Variants in GALNTL6 observed in about 807,000 individuals in gnomAD.
The protein encoded by GALNTL6 is polypeptide N-acetylgalactosaminyltransferase-like 6.
In GALNTL6, 46 loss-of-function variants were observed where a neutral mutation model predicts 73.7. The ratio of observed to expected loss-of-function variants is 0.62; its 90% CI spans 0.49 to 0.80. The LOEUF (loss-of-function observed/expected upper bound fraction) is 0.80. GALNTL6 is among the 30% of genes least tolerant of loss of function. The pLI is 0.00. For synonymous variants in GALNTL6, 259 were observed against 263.7 expected, an observed-to-expected ratio of 0.98 and a Z score of 0.17; for missense variants, 604 against 755.0, an observed-to-expected ratio of 0.80 and a Z score of 2.34.
chr4:172,456,417 C>T (rs1487470906), intron 5 of GALNTL6, among the ~76,000 whole-genome samples: 2 of 151,764 alleles, frequency 1.3e-5, no homozygotes, highest in African/African-American at 4.8e-5. Flanking sequence ...GCTAAAGGAG[C>T]ATGTTCTAAC....
chr4:172,758,419 C>A (rs555002073), intron 5 of GALNTL6, among the ~76,000 whole-genome samples: 1 of 152,212 alleles, frequency 6.6e-6, no homozygotes, highest in South Asian at 2.1e-4. Context: ...ACCTGTAATC[C>A]CAGCTACTTG....
At chr4:172,762,479 C>T (rs564256566) in intron 5 of GALNTL6, among the ~76,000 whole-genome samples, 1 of 150,222 alleles carries the variant, frequency 6.7e-6, no homozygotes, top group African/African-American at 2.5e-5. Context: ...TAACATGAAA[C>T]TACATGAGAT....
At chr4:172,328,891 C>T (rs988892677) in intron 4 of GALNTL6, among the ~76,000 whole-genome samples, 1 of 152,098 alleles carries the variant, frequency 6.6e-6, no homozygotes, top group African/African-American at 2.4e-5. Context: ...GGTTAAGAAC[C>T]CTTGGAAAAC....
At chr4:172,156,540 A>AGTATATATATAT (rs58197299) in intron 2 of GALNTL6, among the ~76,000 whole-genome samples, 20 of 125,128 alleles carry the variant, frequency 1.6e-4, no homozygotes, top group African/African-American at 6.5e-4. Flanking sequence ...ATATATATAT[A>AGTATATATATAT]ATATATATAT....
At chr4:172,461,426 A>G (rs1165377900) in intron 5 of GALNTL6, among the ~76,000 whole-genome samples, 1 of 152,174 alleles carries the variant, frequency 6.6e-6, no homozygotes, top group African/African-American at 2.4e-5. Flanking sequence ...AAAATGCAAA[A>G]TGTGCAGCTC....
At chr4:172,449,560 A>G (rs1732139311) in intron 5 of GALNTL6, among the ~76,000 whole-genome samples, 2 of 152,196 alleles carry the variant, frequency 1.3e-5, no homozygotes, top group Non-Finnish European at 2.9e-5. Flanking sequence ...GAGTTTTCCT[A>G]GATGCCAGAA....
chr4:172,031,907 T>C (rs1315972384), intron 2 of GALNTL6, among the ~76,000 whole-genome samples: 1 of 152,076 alleles, frequency 6.6e-6, no homozygotes, highest in Admixed American at 6.6e-5. Context: ...AATTAGAGCT[T>C]CTTAATGCCA....
intron 5 of GALNTL6, among the ~76,000 whole-genome samples, chr4:172,567,026 T>TA (rs199588709): frequency 2.1e-3 from 296 of 141,850 alleles, no homozygotes; most frequent in South Asian, 2.9e-3. Context: ...GAAGCTCCTT[T>TA]AAAAAAAAAA....
intron 5 of GALNTL6, among the ~76,000 whole-genome samples, chr4:172,578,280 G>A (rs1737038213): frequency 1.3e-5 from 2 of 152,044 alleles, no homozygotes; most frequent in South Asian, 4.2e-4. Flanking sequence ...CAATAATTGA[G>A]TCTTTTCACC....
At chr4:171,927,819 G>A (rs1738034321) in intron 2 of GALNTL6, among the ~76,000 whole-genome samples, 4 of 152,030 alleles carry the variant, frequency 2.6e-5, no homozygotes, top group Admixed American at 1.3e-4. Flanking sequence ...TCTTTGCATG[G>A]TTGTCTCTCT....
intron 5 of GALNTL6, among the ~76,000 whole-genome samples, chr4:172,750,707 AATTTTGCTTCAAGGTCAAACAT>A (rs1350922573): frequency 6.6e-6 from 1 of 152,224 alleles, no homozygotes. Context: ...ACATTGTTAT[AATTTTGCTTCAAGGTCAAACAT>A]ATTTTGGAAA....
intron 5 of GALNTL6, among the ~76,000 whole-genome samples, chr4:172,485,057 G>A (rs1733620765): frequency 6.6e-6 from 1 of 152,110 alleles, no homozygotes. Context: ...AATAAAATAA[G>A]TAGATTGTAA....
At chr4:172,414,766 T>C (rs1744565214) in intron 5 of GALNTL6, among the ~76,000 whole-genome samples, 1 of 152,206 alleles carries the variant, frequency 6.6e-6, no homozygotes, top group Admixed American at 6.6e-5. Context: ...CAGATTTAAG[T>C]AGGAAGACTT....
intron 2 of GALNTL6, among the ~76,000 whole-genome samples, chr4:171,981,115 C>G (rs1739885235): frequency 6.6e-6 from 1 of 152,080 alleles, no homozygotes; most frequent in South Asian, 2.1e-4. Context: ...AGGACATGCA[C>G]CCAAGGTAAT....
intron 5 of GALNTL6, among the ~76,000 whole-genome samples, chr4:172,516,080 T>C (rs1291949147): frequency 2.0e-5 from 3 of 152,230 alleles, no homozygotes; most frequent in East Asian, 3.8e-4. Context: ...AAGTACCCAG[T>C]ACCTTTATAC....
At chr4:172,817,279 T>C (rs1170651045) in intron 7 of GALNTL6, among the ~76,000 whole-genome samples, 1 of 150,782 alleles carries the variant, frequency 6.6e-6, no homozygotes, top group East Asian at 2.0e-4. Context: ...AATATATACA[T>C]ATATAGTGGG....
At position 173,040,390 on chromosome 4, in the gene GALNTL6, T is replaced by C; in HGVS notation, c.*290T>C. ...AAACAACTGCTGAGCTAATAAATCCTAGCATTTCTCAGGTCAAATCCTGCA... is the reference window on the plus strand; with the variant it reads ...AAACAACTGCTGAGCTAATAAATCCCAGCATTTCTCAGGTCAAATCCTGCA... On this transcript the variant is annotated 3_prime_UTR_variant, in exon 13 of 13. Coordinates refer to ENST00000506823, the MANE Select transcript of GALNTL6 (RefSeq NM_001034845.3). 1 of 345,966 alleles carries C rather than the reference T, an allele frequency of 2.9e-6. No homozygotes were observed. The highest frequency in any genetic ancestry group is 5.3e-6 in the Non-Finnish European group (1 of 189,694). The allele number at this position is 345,966 out of a possible 1,614,324, so 21.4% of individuals were successfully genotyped here.
At chr4:172,322,607 C>A (rs1049121250) in intron 4 of GALNTL6, among the ~76,000 whole-genome samples, 1 of 152,006 alleles carries the variant, frequency 6.6e-6, no homozygotes, top group Non-Finnish European at 1.5e-5. Flanking sequence ...GGGAAGCAGG[C>A]AATTTCTTCA....
intron 2 of GALNTL6, among the ~76,000 whole-genome samples, chr4:172,102,263 C>A (rs956562046): frequency 2.6e-5 from 4 of 152,158 alleles, no homozygotes; most frequent in Non-Finnish European, 5.9e-5. Context: ...CTTCTCAATG[C>A]TACAGACGCT....
Sources: gnomAD v4.1 joint callset for allele counts (sites outside exome capture counted in the v4.1 genomes callset) on GRCh38, gnomAD v4.1.1 for gene constraint, MANE v1.5 for transcripts, NCBI Gene and HGNC (gene_info 2026-07-23, HGNC 2026-07-21) for gene names.